The following TENM4 variants were observed in gnomAD, a reference collection of about 807,000 sequenced individuals.
TENM4 encodes teneurin-4.
TENM4 carries 82 observed loss-of-function variants against 243.3 expected under a neutral mutation model. The ratio of observed to expected loss-of-function variants is 0.34; its 90% CI spans 0.28 to 0.40. The LOEUF (loss-of-function observed/expected upper bound fraction) is 0.40, where lower values mean the gene tolerates loss of function less well. TENM4 is among the 10% of genes least tolerant of loss of function. The pLI is 1.00. For synonymous variants in TENM4, 1,412 were observed against 1,456.3 expected (o/e 0.97, Z 0.69); for missense variants, 3,138 against 3,673.3 (o/e 0.85, Z 3.77).
At chr11:79,261,359 A>G (rs1855793544) in intron 2 of TENM4, among the ~76,000 whole-genome samples, 1 of 152,204 alleles carries the variant, frequency 6.6e-6, no homozygotes. Context: ...GGGGCTGTGG[A>G]ATGGACATTC....
intron 1 of TENM4, among the ~76,000 whole-genome samples, chr11:79,307,688 C>T (rs1856649463): frequency 6.6e-6 from 1 of 152,172 alleles, no homozygotes; most frequent in Non-Finnish European, 1.5e-5. Context: ...CTTTCCTTTC[C>T]TCAAACACTC....
At chr11:78,832,498 T>C (rs887437367) in intron 12 of TENM4, among the ~76,000 whole-genome samples, 4 of 152,280 alleles carry the variant, frequency 2.6e-5, no homozygotes, top group African/African-American at 9.6e-5. Flanking sequence ...TTTTGCTTTT[T>C]ATCCATATTA....
chr11:79,257,607 A>G (rs1855721880), intron 2 of TENM4, among the ~76,000 whole-genome samples: 1 of 152,188 alleles, frequency 6.6e-6, no homozygotes, highest in African/African-American at 2.4e-5. Context: ...AATAAACTAG[A>G]AATAGTTGAC....
intron 6 of TENM4, among the ~76,000 whole-genome samples, chr11:78,905,866 C>T (rs1311691385): frequency 6.6e-6 from 1 of 152,226 alleles, no homozygotes; most frequent in Admixed American, 6.5e-5. Context: ...TGTGCAGGGT[C>T]ATTTGTTTTG....
At chr11:79,090,428 A>G (rs548654225) in intron 4 of TENM4, among the ~76,000 whole-genome samples, 48 of 152,372 alleles carry the variant, frequency 3.2e-4, no homozygotes, top group Non-Finnish European at 5.9e-4. Flanking sequence ...TGCAGAAGAA[A>G]GGCAGGTGGC....
intron 6 of TENM4, among the ~76,000 whole-genome samples, chr11:79,002,504 A>G (rs764072275): frequency 2.0e-5 from 3 of 152,248 alleles, no homozygotes; most frequent in Non-Finnish European, 2.9e-5. Flanking sequence ...ACTAGTTTCC[A>G]AGAGTTACAG....
chr11:78,783,002 G>A (rs957698765), intron 16 of TENM4, among the ~76,000 whole-genome samples: 1 of 152,132 alleles, frequency 6.6e-6, no homozygotes, highest in African/African-American at 2.4e-5. Flanking sequence ...AACAATCACA[G>A]CTTTAGAGTC....
intron 9 of TENM4, among the ~76,000 whole-genome samples, chr11:78,865,004 T>C (rs999233421): frequency 6.6e-6 from 1 of 152,174 alleles, no homozygotes; most frequent in African/African-American, 2.4e-5. Flanking sequence ...ATAGTAATTG[T>C]ATTTACTGTG....
At chr11:79,413,076 T>C (rs1034568043) in intron 1 of TENM4, among the ~76,000 whole-genome samples, 3 of 152,236 alleles carry the variant, frequency 2.0e-5, no homozygotes, top group Non-Finnish European at 4.4e-5. Flanking sequence ...ATCAGGCTAC[T>C]GCAAATAAAA....
intron 3 of TENM4, among the ~76,000 whole-genome samples, chr11:79,163,796 C>CATAT (rs1223531465): frequency 4.4e-5 from 2 of 45,380 alleles, no homozygotes; most frequent in Non-Finnish European, 9.1e-5. Context: ...TATATACACA[C>CATAT]ACATATATAT....
chr11:78,885,984 C>T (rs1855539708), intron 9 of TENM4, among the ~76,000 whole-genome samples: 1 of 152,152 alleles, frequency 6.6e-6, no homozygotes, highest in African/African-American at 2.4e-5. Context: ...GATTACCAAC[C>T]AGACGTGACA....
intron 19 of TENM4, among the ~76,000 whole-genome samples, chr11:78,751,592 G>A (rs1266082599): frequency 6.6e-6 from 1 of 152,102 alleles, no homozygotes; most frequent in Non-Finnish European, 1.5e-5. Context: ...ACCTGGGGGT[G>A]GTTCGTCAGA....
intron 6 of TENM4, among the ~76,000 whole-genome samples, chr11:79,031,376 G>T (rs1392071766): frequency 6.6e-6 from 1 of 152,186 alleles, no homozygotes; most frequent in Non-Finnish European, 1.5e-5. Context: ...GCACCCAACA[G>T]ATGGTCCAGG....
intron 6 of TENM4, among the ~76,000 whole-genome samples, chr11:78,918,472 A>G (rs1035029949): frequency 1.3e-5 from 2 of 151,074 alleles, no homozygotes; most frequent in African/African-American, 4.9e-5. Flanking sequence ...AAAGGGACAG[A>G]GAGAGAAATC....
intron 1 of TENM4, among the ~76,000 whole-genome samples, chr11:79,394,881 TTA>T (rs1858309277): frequency 6.6e-6 from 1 of 152,046 alleles, no homozygotes; most frequent in African/African-American, 2.4e-5. Context: ...GAGACTGGAC[TTA>T]TCAGCTGCAA....
chr11:78,930,283 T>C (rs1856639493), intron 6 of TENM4, among the ~76,000 whole-genome samples: 1 of 152,222 alleles, frequency 6.6e-6, no homozygotes, highest in African/African-American at 2.4e-5. Context: ...AGAAGCTAAC[T>C]GATCAATGTT....
At chr11:79,272,694 G>T (rs1309083510) in intron 2 of TENM4, among the ~76,000 whole-genome samples, 1 of 151,974 alleles carries the variant, frequency 6.6e-6, no homozygotes, top group African/African-American at 2.4e-5. Flanking sequence ...CTTGGGGCAT[G>T]CTCCCCACCA....
chr11:79,360,641 T>C (rs556160566), intron 1 of TENM4, among the ~76,000 whole-genome samples: 1 of 152,206 alleles, frequency 6.6e-6, no homozygotes, highest in Non-Finnish European at 1.5e-5. Context: ...TGGAGCTAAA[T>C]GCCTCTGTTT....
At chr11:78,770,562 G>C (rs578055697) in intron 18 of TENM4, among the ~76,000 whole-genome samples, 1 of 152,214 alleles carries the variant, frequency 6.6e-6, no homozygotes, top group Non-Finnish European at 1.5e-5. Context: ...AATCAGAGGA[G>C]AAGAGACCTT....
Sources: allele counts gnomAD v4.1 joint callset (sites outside exome capture counted in the v4.1 genomes callset), GRCh38; gene constraint gnomAD v4.1.1; transcripts MANE v1.5; gene names NCBI Gene and HGNC (gene_info 2026-07-23, HGNC 2026-07-21).